Variants in ADAM29 observed in about 807,000 individuals in gnomAD.
ADAM29 encodes ADAM metallopeptidase domain 29.
For missense variants in ADAM29, 969 were observed against 1,001.8 expected (o/e 0.97, Z 0.44); for synonymous variants, 367 against 342.3 (o/e 1.07, Z -0.80).
chr4:174,962,512 A>AC (rs1179441805), intron 4 of ADAM29, among the ~76,000 whole-genome samples: 6 of 117,942 alleles, frequency 5.1e-5, no homozygotes, highest in African/African-American at 2.6e-4. Flanking sequence ...ACTCCGTCAC[A>AC]AAAAAAAAAA....
chr4:174,921,631 A>G (rs890243166), intron 2 of ADAM29, among the ~76,000 whole-genome samples: 2 of 152,154 alleles, frequency 1.3e-5, no homozygotes, highest in African/African-American at 4.8e-5. Flanking sequence ...AACAATGTCA[A>G]CTCACATATA....
intron 3 of ADAM29, among the ~76,000 whole-genome samples, chr4:174,935,216 T>C (rs1439714029): frequency 6.6e-6 from 1 of 152,140 alleles, no homozygotes; most frequent in Non-Finnish European, 1.5e-5. Context: ...TAAAATAAAG[T>C]TATATAACAA....
chr4:174,952,156 A>G (rs1421729137), intron 4 of ADAM29, among the ~76,000 whole-genome samples: 1 of 152,178 alleles, frequency 6.6e-6, no homozygotes, highest in Non-Finnish European at 1.5e-5. Context: ...GTATTAATTA[A>G]AAAGAAAACA....
chr4:174,954,922 A>C (rs1197251360), intron 4 of ADAM29, among the ~76,000 whole-genome samples: 2 of 152,198 alleles, frequency 1.3e-5, no homozygotes, highest in African/African-American at 4.8e-5. Context: ...TTTTAAAGTA[A>C]AAATAAGTCA....
chr4:174,961,718 C>T (rs1303276061), intron 4 of ADAM29, among the ~76,000 whole-genome samples: 1 of 152,076 alleles, frequency 6.6e-6, no homozygotes, highest in African/African-American at 2.4e-5. Flanking sequence ...TTTTTTATCA[C>T]TGGCTTTCAG....
chr4:174,956,494 C>CTA (rs1560881010), intron 4 of ADAM29, among the ~76,000 whole-genome samples: 1 of 148,968 alleles, frequency 6.7e-6, no homozygotes, highest in African/African-American at 2.5e-5. Flanking sequence ...GTGTGTGTGT[C>CTA]TGTGTGTGTG....
intron 1 of ADAM29, chr4:174,918,811 T>C (rs2110877711): frequency 6.6e-6 from 1 of 151,860 alleles, no homozygotes; most frequent in South Asian, 2.1e-4. Flanking sequence ...ATCTCAGGAG[T>C]ATAAATTGAA....
chr4:174,950,842 C>T (rs575330260), intron 4 of ADAM29, among the ~76,000 whole-genome samples: 6 of 152,246 alleles, frequency 3.9e-5, no homozygotes, highest in South Asian at 2.1e-4. Flanking sequence ...AGAGTTCTCA[C>T]GAGATCTGAT....
At chr4:174,933,656 G>T (rs1744038583) in intron 3 of ADAM29, among the ~76,000 whole-genome samples, 2 of 152,066 alleles carry the variant, frequency 1.3e-5, no homozygotes, top group Admixed American at 1.3e-4. Context: ...AGACCCCAAT[G>T]TCTATTGTTC....
At chr4:174,942,095 G>A (rs1052410102) in intron 4 of ADAM29, among the ~76,000 whole-genome samples, 2 of 152,224 alleles carry the variant, frequency 1.3e-5, no homozygotes, top group African/African-American at 4.8e-5. Context: ...GATGTGAGGG[G>A]TGGGATCCCA....
At chr4:174,970,903 T>C (rs1746440068) in intron 4 of ADAM29, among the ~76,000 whole-genome samples, 1 of 152,112 alleles carries the variant, frequency 6.6e-6, no homozygotes, top group African/African-American at 2.4e-5. Context: ...TTGTTTGTCT[T>C]TATTTTAAAA....
At chr4:174,933,016 T>A (rs576468605) in intron 3 of ADAM29, among the ~76,000 whole-genome samples, 1 of 152,138 alleles carries the variant, frequency 6.6e-6, no homozygotes, top group Admixed American at 6.5e-5. Flanking sequence ...AGGAGCAATC[T>A]CACATTTCCT....
chr4:174,924,575 G>A (rs946432967), intron 2 of ADAM29, among the ~76,000 whole-genome samples: 1 of 152,166 alleles, frequency 6.6e-6, no homozygotes, highest in Non-Finnish European at 1.5e-5. Flanking sequence ...CCTTCAGTAT[G>A]CTAATGAATA....
At chr4:174,974,380 T>C (rs936609192) in intron 4 of ADAM29, among the ~76,000 whole-genome samples, 2 of 152,240 alleles carry the variant, frequency 1.3e-5, no homozygotes, top group African/African-American at 4.8e-5. Context: ...CTCAGATAAC[T>C]GACCTTCCTC....
intron 4 of ADAM29, among the ~76,000 whole-genome samples, chr4:174,937,375 A>G (rs1744261576): frequency 6.6e-6 from 1 of 152,002 alleles, no homozygotes; most frequent in African/African-American, 2.4e-5. Context: ...TAAAAATCAT[A>G]TTACTTTGAT....
chr4:174,941,419 A>C (rs1744529818), intron 4 of ADAM29, among the ~76,000 whole-genome samples: 1 of 152,316 alleles, frequency 6.6e-6, no homozygotes, highest in South Asian at 2.1e-4. Context: ...GAAGTATGTG[A>C]GACTGGCTAA....
chr4:174,952,432 G>A (rs1560877977), intron 4 of ADAM29, among the ~76,000 whole-genome samples: 1 of 151,924 alleles, frequency 6.6e-6, no homozygotes, highest in Non-Finnish European at 1.5e-5. Flanking sequence ...CAAAAGTAAA[G>A]GGAATATCAG....
intron 4 of ADAM29, among the ~76,000 whole-genome samples, chr4:174,966,340 C>G (rs1228096914): frequency 6.6e-6 from 1 of 152,170 alleles, no homozygotes. Flanking sequence ...TCAGCATCAA[C>G]TCTGAAGTCT....
At chr4:174,969,225 CAG>C (rs1384125674) in intron 4 of ADAM29, among the ~76,000 whole-genome samples, 3 of 150,964 alleles carry the variant, frequency 2.0e-5, no homozygotes, top group African/African-American at 7.3e-5. Context: ...TTGTTGAAGA[CAG>C]TGTGGCAATT....
Sources: gnomAD v4.1 joint callset for allele counts (sites outside exome capture counted in the v4.1 genomes callset) on GRCh38, gnomAD v4.1.1 for gene constraint, MANE v1.5 for transcripts, NCBI Gene and HGNC (gene_info 2026-07-23, HGNC 2026-07-21) for gene names.